The following PITPNC1 variants were observed in gnomAD, a reference collection of about 807,000 sequenced individuals.
PITPNC1 encodes phosphatidylinositol transfer protein cytoplasmic 1, also known as cytoplasmic phosphatidylinositol transfer protein 1.
PITPNC1 carries 18 observed loss-of-function variants against 44.7 expected under a neutral mutation model. The ratio of observed to expected loss-of-function variants is 0.40; its 90% confidence interval spans 0.28 to 0.60. The LOEUF (loss-of-function observed/expected upper bound fraction) is 0.60, where lower values mean the gene tolerates loss of function less well. Among genes scored for constraint, PITPNC1 ranks in the 20% least tolerant of loss-of-function variants. The pLI is 0.39. For synonymous variants in PITPNC1, 141 were observed against 149.6 expected (o/e 0.94, Z 0.42); for missense variants, 290 against 418.4 (o/e 0.69, Z 2.68).
chr17:67,423,074 T>C (rs542995193), intron 1 of PITPNC1, among the ~76,000 whole-genome samples: 2 of 152,248 alleles, frequency 1.3e-5, no homozygotes, highest in Admixed American at 6.6e-5. Flanking sequence ...CTAACTGTTT[T>C]GATATGTTGA....
intron 5 of PITPNC1, among the ~76,000 whole-genome samples, chr17:67,630,657 GACC>G (rs1176513909): frequency 6.6e-6 from 1 of 151,670 alleles, no homozygotes; most frequent in East Asian, 1.9e-4. Flanking sequence ...TATCCCTTTA[GACC>G]AGAAAAATGA....
At chr17:67,495,532 C>A (rs546282614) in intron 1 of PITPNC1, among the ~76,000 whole-genome samples, 1 of 152,248 alleles carries the variant, frequency 6.6e-6, no homozygotes, top group East Asian at 1.9e-4. Context: ...CTCCTTCCTC[C>A]CACTCTCCAC....
chr17:67,428,512 AACAGAG>A (rs759768512), intron 1 of PITPNC1, among the ~76,000 whole-genome samples: 126 of 151,908 alleles, frequency 8.3e-4, no homozygotes, highest in Non-Finnish European at 1.2e-3. Context: ...CAGCCTGGGC[AACAGAG>A]TGAGACCCTA....
At chr17:67,386,259 G>A (rs569398199) in intron 1 of PITPNC1, among the ~76,000 whole-genome samples, 3 of 152,232 alleles carry the variant, frequency 2.0e-5, no homozygotes, top group South Asian at 4.2e-4. Flanking sequence ...TGGCGCTATC[G>A]CGGCTCACTG....
chr17:67,509,273 T>C (rs2040147932), intron 1 of PITPNC1, among the ~76,000 whole-genome samples: 2 of 151,402 alleles, frequency 1.3e-5, no homozygotes, highest in Admixed American at 6.6e-5. Flanking sequence ...GCGTGGTGGC[T>C]CATGCCTGTG....
chr17:67,580,362 A>G (rs1261623927), intron 5 of PITPNC1, among the ~76,000 whole-genome samples: 1 of 151,578 alleles, frequency 6.6e-6, no homozygotes, highest in Non-Finnish European at 1.5e-5. Context: ...TTTTTTCTTT[A>G]TAAGACAGGG....
chr17:67,601,685 G>T (rs1284743827), intron 5 of PITPNC1, among the ~76,000 whole-genome samples: 1 of 152,098 alleles, frequency 6.6e-6, no homozygotes, highest in Non-Finnish European at 1.5e-5. Flanking sequence ...AGCCCAAGAG[G>T]TTGAGGCTGC....
intron 2 of PITPNC1, among the ~76,000 whole-genome samples, chr17:67,541,468 T>TAC (rs3051696): frequency 0.53 from 79,295 of 149,364 alleles, 21,261 homozygotes; most frequent in East Asian, 0.76. Flanking sequence ...CAATTATACA[T>TAC]ACACACACAC....
intron 1 of PITPNC1, among the ~76,000 whole-genome samples, chr17:67,409,762 T>C (rs546990830): frequency 6.6e-6 from 1 of 152,140 alleles, no homozygotes; most frequent in South Asian, 2.1e-4. Context: ...GGTCTCAAAC[T>C]CCTGACCTCA....
intron 1 of PITPNC1, among the ~76,000 whole-genome samples, chr17:67,412,042 T>C (rs2038507061): frequency 6.6e-6 from 1 of 152,198 alleles, no homozygotes; most frequent in South Asian, 2.1e-4. Flanking sequence ...AACCTCTTAC[T>C]ATCTTTCTTT....
chr17:67,692,194 C>T (rs549906482), intron 8 of PITPNC1, among the ~76,000 whole-genome samples: 1 of 152,134 alleles, frequency 6.6e-6, no homozygotes, highest in South Asian at 2.1e-4. Context: ...ATTATAGCTC[C>T]AAATACCCCA....
At chr17:67,599,416 T>C (rs1246052203) in intron 5 of PITPNC1, among the ~76,000 whole-genome samples, 1 of 151,772 alleles carries the variant, frequency 6.6e-6, no homozygotes, top group Non-Finnish European at 1.5e-5. Context: ...AAAGGATACA[T>C]GAGGGATAAA....
intron 1 of PITPNC1, among the ~76,000 whole-genome samples, chr17:67,429,348 G>T (rs959071100): frequency 1.3e-5 from 2 of 152,140 alleles, no homozygotes; most frequent in African/African-American, 2.4e-5. Flanking sequence ...AAATTTAAAA[G>T]AAATTTTGGG....
chr17:67,431,275 T>C (rs1305201660), intron 1 of PITPNC1, among the ~76,000 whole-genome samples: 4 of 152,118 alleles, frequency 2.6e-5, no homozygotes, highest in African/African-American at 7.2e-5. Context: ...ACCAGGCTGG[T>C]CTCAAACTCC....
intron 5 of PITPNC1, among the ~76,000 whole-genome samples, chr17:67,606,646 G>C (rs1038042936): frequency 6.6e-5 from 10 of 152,146 alleles, no homozygotes; most frequent in South Asian, 2.1e-4. Context: ...GCCACAACCT[G>C]CTATCAGCAA....
chr17:67,684,450 T>C (rs549504482), intron 8 of PITPNC1, among the ~76,000 whole-genome samples: 4 of 151,434 alleles, frequency 2.6e-5, no homozygotes, highest in South Asian at 2.1e-4. Flanking sequence ...TTTTTTTTTC[T>C]TTTCCACAAG....
intron 1 of PITPNC1, among the ~76,000 whole-genome samples, chr17:67,522,657 A>ATTTTTTTTTTTTTTTTTTTTT (rs1219049449): frequency 3.3e-5 from 2 of 59,970 alleles, no homozygotes; most frequent in African/African-American, 2.0e-4. Flanking sequence ...TACCATTTTA[A>ATTTTTTTTTTTTTTTTTTTTT]TCTTTTTTTT....
chr17:67,549,044 GAGA>G (rs1356574795), intron 2 of PITPNC1, among the ~76,000 whole-genome samples: 40 of 152,202 alleles, frequency 2.6e-4, no homozygotes, highest in Non-Finnish European at 2.9e-5. Context: ...CGGGGGCTGA[GAGA>G]AGATCTGTTG....
At chr17:67,665,638 A>G (rs1046011865) in intron 6 of PITPNC1, among the ~76,000 whole-genome samples, 1 of 152,206 alleles carries the variant, frequency 6.6e-6, no homozygotes, top group African/African-American at 2.4e-5. Flanking sequence ...GGTATTTACC[A>G]AATTTTGGCT....
Sources: allele counts gnomAD v4.1 joint callset (sites outside exome capture counted in the v4.1 genomes callset), GRCh38; gene constraint gnomAD v4.1.1; transcripts MANE v1.5; gene names NCBI Gene and HGNC (gene_info 2026-07-23, HGNC 2026-07-21).